ADGRL2: variants seen among roughly 807,000 people sequenced by gnomAD.
The protein encoded by ADGRL2 is calcium-independent alpha-latrotoxin receptor 2.
In ADGRL2, 44 loss-of-function variants were observed where a neutral mutation model predicts 157.4. The observed-to-expected ratio is 0.28, with a 90% CI of 0.22 to 0.36. The LOEUF (loss-of-function observed/expected upper bound fraction) is 0.36. Among genes scored for constraint, ADGRL2 ranks in the 10% least tolerant of loss-of-function variants. ADGRL2 has a pLI of 1.00. For synonymous variants in ADGRL2, 585 were observed against 624.7 expected (o/e 0.94, Z 0.95); for missense variants, 1,510 against 1,768.9 (o/e 0.85, Z 2.63).
chr1:81,438,852 T>C (rs1001960839), intron 1 of ADGRL2, among the ~76,000 whole-genome samples: 5 of 152,170 alleles, frequency 3.3e-5, no homozygotes, highest in Non-Finnish European at 7.3e-5. Flanking sequence ...AGGGTGTTTT[T>C]TCCCTTATCA....
At chr1:81,876,441 A>G (rs1280135841) in intron 2 of ADGRL2, among the ~76,000 whole-genome samples, 1 of 152,156 alleles carries the variant, frequency 6.6e-6, no homozygotes, top group Non-Finnish European at 1.5e-5. Flanking sequence ...ACTAGACAAT[A>G]TGTGACCTTT....
intron 2 of ADGRL2, among the ~76,000 whole-genome samples, chr1:81,556,421 G>A (rs937155927): frequency 7.1e-6 from 1 of 141,472 alleles, no homozygotes; most frequent in African/African-American, 2.7e-5. Context: ...TGGGTTCAAA[G>A]TGCTGGGATC....
chr1:81,404,467 C>T (rs535571457), intron 1 of ADGRL2, among the ~76,000 whole-genome samples: 23 of 152,214 alleles, frequency 1.5e-4, no homozygotes, highest in African/African-American at 5.1e-4. Context: ...CTTTTAATCA[C>T]ATTTTATATA....
chr1:81,479,298 C>T (rs1460811121), intron 2 of ADGRL2, among the ~76,000 whole-genome samples: 1 of 150,488 alleles, frequency 6.6e-6, no homozygotes, highest in Non-Finnish European at 1.5e-5. Flanking sequence ...CATGGCAAAA[C>T]CCTGTCTCTA....
intron 1 of ADGRL2, among the ~76,000 whole-genome samples, chr1:81,372,078 T>A (rs1421343904): frequency 6.6e-6 from 1 of 152,154 alleles, no homozygotes; most frequent in East Asian, 1.9e-4. Flanking sequence ...AGATATCACA[T>A]GTCAAAGCGA....
chr1:81,368,908 C>T (rs1360597976), intron 1 of ADGRL2, among the ~76,000 whole-genome samples: 2 of 152,118 alleles, frequency 1.3e-5, no homozygotes, highest in African/African-American at 4.8e-5. Flanking sequence ...TTACATAATT[C>T]CCTTATAAAA....
intron 20 of ADGRL2, among the ~76,000 whole-genome samples, 187 bp downstream of exon 20, chr1:81,984,898 T>C (rs1662715967): frequency 6.6e-6 from 1 of 152,086 alleles, no homozygotes; most frequent in African/African-American, 2.4e-5. Context: ...TATGTGAACG[T>C]CCTTTTTTGT....
At chr1:81,971,619 G>A (rs775945921) in intron 16 of ADGRL2, among the ~76,000 whole-genome samples, 1 of 152,122 alleles carries the variant, frequency 6.6e-6, no homozygotes, top group Non-Finnish European at 1.5e-5. Flanking sequence ...ATACAAGCAC[G>A]ATTTTGTATG....
chr1:81,748,650 T>C (rs2085390081), intron 1 of ADGRL2, among the ~76,000 whole-genome samples: 1 of 146,370 alleles, frequency 6.8e-6, no homozygotes, highest in African/African-American at 2.5e-5. Context: ...CTCTTATTTC[T>C]CATTCATTCC....
At chr1:81,547,313 C>T (rs377753581) in intron 2 of ADGRL2, among the ~76,000 whole-genome samples, 3 of 152,180 alleles carry the variant, frequency 2.0e-5, no homozygotes, top group Non-Finnish European at 2.9e-5. Context: ...ACCTGTAAAG[C>T]GATAGCTTCT....
At chr1:81,492,474 A>T (rs1372937965) in intron 2 of ADGRL2, among the ~76,000 whole-genome samples, 1 of 152,220 alleles carries the variant, frequency 6.6e-6, no homozygotes, top group Non-Finnish European at 1.5e-5. Context: ...GACTGAGATC[A>T]CATGGGAATG....
chr1:81,369,229 G>A (rs2076120261), intron 1 of ADGRL2, among the ~76,000 whole-genome samples: 1 of 152,070 alleles, frequency 6.6e-6, no homozygotes, highest in Non-Finnish European at 1.5e-5. Flanking sequence ...CAAGAGAAAT[G>A]AGGACAGAAA....
chr1:81,404,464 T>G (rs1445499875), intron 1 of ADGRL2, among the ~76,000 whole-genome samples: 2 of 152,190 alleles, frequency 1.3e-5, no homozygotes, highest in Non-Finnish European at 2.9e-5. Flanking sequence ...GAGCTTTTAA[T>G]CACATTTTAT....
intron 1 of ADGRL2, among the ~76,000 whole-genome samples, chr1:81,825,452 G>T (rs1339479171): frequency 6.6e-6 from 1 of 151,850 alleles, no homozygotes; most frequent in Non-Finnish European, 1.5e-5. Context: ...AGGTTCAAGT[G>T]ATTCCCCTGC....
intron 2 of ADGRL2, among the ~76,000 whole-genome samples, chr1:81,867,260 C>CA (rs924481452): frequency 7.9e-5 from 12 of 152,002 alleles, no homozygotes; most frequent in Admixed American, 2.6e-4. Context: ...AAACTACAGC[C>CA]AAAAAAGCCT....
chr1:81,313,545 C>G (rs1183044878), intron 1 of ADGRL2, among the ~76,000 whole-genome samples: 19 of 152,266 alleles, frequency 1.2e-4, no homozygotes, highest in Non-Finnish European at 7.3e-5. Context: ...TGCTGAATTT[C>G]CTTCTGAAAG....
At chr1:81,782,347 A>T (rs769748062) in intron 2 of ADGRL2, among the ~76,000 whole-genome samples, 7 of 152,184 alleles carry the variant, frequency 4.6e-5, no homozygotes, top group Admixed American at 3.3e-4. Context: ...ATAACCTAAG[A>T]AGTCAATCGT....
rs530330980 is a variant in ADGRL2, at chr1:81,839,074, T to A, written c.73+2017T>A. The stretch of plus-strand genomic sequence containing the variant: ...AAGCAGATAATGCTCTGTGAACATC[T>A]ATAGAGAAAGCCAATCAACATTAGG... On this transcript the variant is annotated intron_variant, in intron 2 of 23. Transcript: ENST00000686636. 3.9e-5 allele frequency among the ~76,000 whole-genome samples: 6 copies of A among 152,170 alleles called. No homozygotes were observed. In the East Asian group the frequency reaches 1.2e-3, roughly 29 times the overall value.
At chr1:81,427,022 T>A in intron 1 of ADGRL2, 1 of 1,060,016 alleles carries the variant, frequency 9.4e-7, no homozygotes, top group South Asian at 1.3e-5. Context: ...ATACCACAGT[T>A]GATAACATTG....
Sources: gnomAD v4.1 joint callset for allele counts (sites outside exome capture counted in the v4.1 genomes callset) on GRCh38, gnomAD v4.1.1 for gene constraint, MANE v1.5 for transcripts, NCBI Gene and HGNC (gene_info 2026-07-23, HGNC 2026-07-21) for gene names.